The following XYLT1 variants were observed in gnomAD, a reference collection of about 807,000 sequenced individuals.
XYLT1 encodes xylosyltransferase 1, also known as beta-D-xylosyltransferase 1.
XYLT1 carries 36 observed loss-of-function variants against 91.3 expected under a neutral mutation model. That is an observed-to-expected ratio of 0.39 (90% CI 0.30 to 0.52). The LOEUF (loss-of-function observed/expected upper bound fraction) is 0.52. Among genes scored for constraint, XYLT1 ranks in the 20% least tolerant of loss-of-function variants. XYLT1 has a pLI of 0.68. For synonymous variants in XYLT1, 588 were observed against 532.0 expected (o/e 1.11, Z -1.45); for missense variants, 1,242 against 1,284.5 (o/e 0.97, Z 0.51).
At chr16:17,284,151 TCCTC>T (rs1347964828) in intron 2 of XYLT1, among the ~76,000 whole-genome samples, 1 of 152,166 alleles carries the variant, frequency 6.6e-6, no homozygotes, top group African/African-American at 2.4e-5. Context: ...AATAGCACCT[TCCTC>T]CCTCAACAGT....
At chr16:17,440,406 A>G (rs997204466) in intron 1 of XYLT1, among the ~76,000 whole-genome samples, 2 of 152,234 alleles carry the variant, frequency 1.3e-5, no homozygotes, top group Non-Finnish European at 2.9e-5. Context: ...GACTTCCTGG[A>G]TGAGAATTTT....
chr16:17,129,089 A>AAAAAAAAAC (rs1567285062), intron 9 of XYLT1, among the ~76,000 whole-genome samples: 3 of 140,774 alleles, frequency 2.1e-5, no homozygotes, highest in African/African-American at 7.5e-5. Flanking sequence ...AAAAAAAAAA[A>AAAAAAAAAC]AAAAAAAACT....
chr16:17,225,859 G>C (rs543009219), intron 3 of XYLT1, among the ~76,000 whole-genome samples: 1 of 151,998 alleles, frequency 6.6e-6, no homozygotes, highest in Non-Finnish European at 1.5e-5. Context: ...AAATAAATTG[G>C]GTGCTTTTAA....
intron 1 of XYLT1, among the ~76,000 whole-genome samples, chr16:17,463,004 C>T (rs1466405804): frequency 6.6e-6 from 1 of 152,070 alleles, no homozygotes; most frequent in African/African-American, 2.4e-5. Context: ...GCTGGAAAAA[C>T]GGGATAGCCA....
intron 1 of XYLT1, among the ~76,000 whole-genome samples, chr16:17,359,992 C>T (rs933476144): frequency 1.3e-5 from 2 of 152,142 alleles, no homozygotes; most frequent in African/African-American, 2.4e-5. Flanking sequence ...AGACCTGGTA[C>T]GAGCTTAGTG....
At chr16:17,272,282 C>T (rs2033908756) in intron 2 of XYLT1, among the ~76,000 whole-genome samples, 1 of 151,212 alleles carries the variant, frequency 6.6e-6, no homozygotes, top group African/African-American at 2.4e-5. Flanking sequence ...CCCACCTCAG[C>T]CTCCCAAGTA....
chr16:17,345,229 C>T (rs748861640), intron 2 of XYLT1, among the ~76,000 whole-genome samples: 15 of 152,232 alleles, frequency 9.9e-5, no homozygotes, highest in African/African-American at 1.4e-4. Context: ...CTGAACTGCA[C>T]GCAGGCAAAA....
intron 3 of XYLT1, among the ~76,000 whole-genome samples, chr16:17,232,131 T>G (rs962950212): frequency 2.8e-5 from 4 of 144,616 alleles, no homozygotes; most frequent in Admixed American, 7.1e-5. Flanking sequence ...TATTATAATA[T>G]ATAATAGATA....
intron 2 of XYLT1, among the ~76,000 whole-genome samples, chr16:17,266,541 C>T (rs759968008): frequency 8.5e-5 from 13 of 152,150 alleles, no homozygotes; most frequent in Non-Finnish European, 1.2e-4. Context: ...AGGATTTGAA[C>T]CCAGGCTGTC....
At position 17,270,985 on chromosome 16, in the gene XYLT1, G is replaced by A. The variant is rs114246178; in HGVS notation, c.403-11487C>T. Among the ~76,000 whole-genome samples, 630 of 152,278 alleles carry A rather than the reference G, an allele frequency of 4.1e-3. 3 individuals carry two copies. The highest frequency in any genetic ancestry group is 0.014 in the African/African-American group (586 of 41,552). ...GGTAAGAGGCAGGGTCAGAAGTGAC[G>A]CACAGGAGTCAGACTCCAGAGACAA... is the stretch of plus-strand genomic sequence containing the variant. On this transcript the variant is annotated intron_variant, in intron 2 of 11. Transcript: ENST00000261381.
At chr16:17,264,498 T>A (rs1394562239) in intron 2 of XYLT1, among the ~76,000 whole-genome samples, 1 of 152,234 alleles carries the variant, frequency 6.6e-6, no homozygotes, top group Non-Finnish European at 1.5e-5. Flanking sequence ...TATCACTTCA[T>A]GTTCCCCCTA....
intron 1 of XYLT1, among the ~76,000 whole-genome samples, chr16:17,456,332 C>CTTTTTT (rs869026409): frequency 1.8e-5 from 2 of 114,174 alleles, no homozygotes; most frequent in African/African-American, 7.6e-5. Flanking sequence ...CAGTACAAAC[C>CTTTTTT]TTTTTTTTTT....
At chr16:17,327,719 T>C (rs2034834276) in intron 2 of XYLT1, among the ~76,000 whole-genome samples, 1 of 151,056 alleles carries the variant, frequency 6.6e-6, no homozygotes, top group Non-Finnish European at 1.5e-5. Flanking sequence ...AATCAGCTTC[T>C]ATTTTATAAC....
chr16:17,308,479 C>T (rs1048329056), intron 2 of XYLT1, among the ~76,000 whole-genome samples: 5 of 152,302 alleles, frequency 3.3e-5, no homozygotes, highest in Admixed American at 6.5e-5. Flanking sequence ...CACCCAGCTC[C>T]CTGTAAGGTG....
At chr16:17,385,265 CACAT>C (rs764015008) in intron 1 of XYLT1, among the ~76,000 whole-genome samples, 15,682 of 115,436 alleles carry the variant, frequency 0.14, 1,090 homozygotes, top group Non-Finnish European at 0.18. Flanking sequence ...CACATAAACA[CACAT>C]ACACACACAC....
At chr16:17,298,196 G>A (rs912581329) in intron 2 of XYLT1, among the ~76,000 whole-genome samples, 5 of 152,172 alleles carry the variant, frequency 3.3e-5, no homozygotes, top group Middle Eastern at 3.4e-3. Context: ...GTGTAAAATC[G>A]GTTCCGTCAG....
chr16:17,456,075 A>ATGGAAGG (rs1013879483), intron 1 of XYLT1, among the ~76,000 whole-genome samples: 159 of 152,276 alleles, frequency 1.0e-3, no homozygotes, highest in African/African-American at 3.6e-3. Flanking sequence ...AAGACTATGG[A>ATGGAAGG]TGGAAGGTGG....
intron 2 of XYLT1, chr16:17,338,154 T>C: frequency 2.2e-6 from 1 of 455,838 alleles, no homozygotes; most frequent in South Asian, 1.6e-5. Flanking sequence ...TTATCATAAC[T>C]CCCCTGAACT....
chr16:17,398,834 T>TCTTTG (rs1555454031), intron 1 of XYLT1, among the ~76,000 whole-genome samples: 2 of 98,224 alleles, frequency 2.0e-5, no homozygotes, highest in Admixed American at 2.6e-4. Context: ...CCCCACTGTT[T>TCTTTG]TTTTGTTTTG....
Sources: allele counts gnomAD v4.1 joint callset (sites outside exome capture counted in the v4.1 genomes callset), GRCh38; gene constraint gnomAD v4.1.1; transcripts MANE v1.5; gene names NCBI Gene and HGNC (gene_info 2026-07-23, HGNC 2026-07-21).